Variants in NNMT observed in about 807,000 individuals in gnomAD.
NNMT encodes nicotinamide N-methyltransferase.
In NNMT, 10 loss-of-function variants were observed where a neutral mutation model predicts 11.7. The observed-to-expected ratio is 0.85, with a 90% CI of 0.53 to 1.45. The LOEUF is 1.45. Among genes scored for constraint, NNMT ranks in the 40% most tolerant of loss-of-function variants. The probability of loss-of-function intolerance (pLI) is 0.00; values close to 1 mark genes in which losing one functional copy is unlikely to be tolerated. For missense variants in NNMT, 381 were observed against 319.4 expected (o/e 1.19, Z -1.47); for synonymous variants, 143 against 133.8 (o/e 1.07, Z -0.48).
chr11:114,312,372 C>A lies in NNMT; in HGVS notation c.690C>A (p.Tyr230Ter). 6.2e-7 allele frequency: 1 copy of A among 1,614,262 alleles called. No individual in the cohort carries two copies. The highest frequency in any genetic ancestry group is 8.5e-7 in the Non-Finnish European group (1 of 1,180,046). ...AVEAAVKEAG[Y>*]TIEWFEVISQ... is the part of the protein sequence containing the mutation. ...AGGCTGCTGTGAAAGAGGCTGGCTA[C>A]ACAATCGAATGGTTTGAGGTGATCT... The change falls in exon 3 of 3, where the codon TAC becomes TAA. Residue 230 changes from tyrosine (Y) to a stop codon, truncating the protein, a stop_gained. Transcript: ENST00000299964. LOFTEE classifies it low-confidence loss of function (END_TRUNC).
upstream of NNMT, among the ~76,000 whole-genome samples, chr11:114,294,417 G>A (rs1374867296): frequency 6.8e-6 from 1 of 147,586 alleles, no homozygotes; most frequent in Non-Finnish European, 1.5e-5. Context: ...GGTGAAGGTT[G>A]CAGTGAGCTG....
At chr11:114,270,918 G>A (rs1945164402) in intron 2 of NNMT, among the ~76,000 whole-genome samples, 1 of 151,976 alleles carries the variant, frequency 6.6e-6, no homozygotes, top group Non-Finnish European at 1.5e-5. Flanking sequence ...GGGATCAAAA[G>A]CATGCACCAC....
chr11:114,260,516 C>A (rs1358150625), intron 1 of NNMT, among the ~76,000 whole-genome samples: 4 of 152,232 alleles, frequency 2.6e-5, no homozygotes, highest in African/African-American at 7.2e-5. Flanking sequence ...CCCTCCAGCA[C>A]TCACACATCC....
intron 2 of NNMT, among the ~76,000 whole-genome samples, chr11:114,285,004 C>T (rs1945288084): frequency 6.6e-6 from 1 of 151,788 alleles, no homozygotes; most frequent in Admixed American, 6.6e-5. Context: ...CTGATCCGCC[C>T]ACCTCAACCT....
chr11:114,282,912 T>TG (rs1463635746), intron 2 of NNMT, among the ~76,000 whole-genome samples: 3 of 152,248 alleles, frequency 2.0e-5, no homozygotes, highest in African/African-American at 7.2e-5. Context: ...TCACTGATAC[T>TG]GATATGCATG....
At chr11:114,263,532 C>T (rs1012195887) in intron 2 of NNMT, among the ~76,000 whole-genome samples, 6 of 152,142 alleles carry the variant, frequency 3.9e-5, no homozygotes, top group African/African-American at 1.4e-4. Flanking sequence ...AAACTCTTTC[C>T]CACCTGAAGA....
intron 2 of NNMT, among the ~76,000 whole-genome samples, chr11:114,309,504 T>A (rs1945528310): frequency 6.6e-6 from 1 of 152,140 alleles, no homozygotes; most frequent in Non-Finnish European, 1.5e-5. Flanking sequence ...CAACCAAGGA[T>A]AATTTTTGTT....
At chr11:114,285,699 C>G (rs933750149) in intron 2 of NNMT, among the ~76,000 whole-genome samples, 7 of 152,212 alleles carry the variant, frequency 4.6e-5, no homozygotes, top group Non-Finnish European at 8.8e-5. Flanking sequence ...TGGCGACTCA[C>G]GCCTGCCACA....
chr11:114,284,503 G>GC (rs1309772651), intron 2 of NNMT, among the ~76,000 whole-genome samples: 4 of 152,082 alleles, frequency 2.6e-5, no homozygotes, highest in African/African-American at 9.7e-5. Context: ...ATGGAGTCTT[G>GC]TCCAGGCTGG....
chr11:114,312,372 C>T lies in NNMT; in HGVS notation c.690C>T (p.Tyr230=), dbSNP rs761551438. 2 of 1,614,262 alleles carry T rather than the reference C, an allele frequency of 1.2e-6. No individual in the cohort carries two copies. Among genetic ancestry groups the T allele is most frequent in the South Asian group, 1.1e-5 (1 of 91,090 alleles). The change falls in exon 3 of 3, where the codon TAC becomes TAT. Residue 230 remains tyrosine (Y), a synonymous_variant. Transcript: ENST00000299964. Reference sequence around the variant, plus strand: ...AGGCTGCTGTGAAAGAGGCTGGCTACACAATCGAATGGTTTGAGGTGATCT... The same window carrying T: ...AGGCTGCTGTGAAAGAGGCTGGCTATACAATCGAATGGTTTGAGGTGATCT... ...AVEAAVKEAG[Y]TIEWFEVISQ...
At chr11:114,305,230 G>T (rs556417694) in intron 2 of NNMT, among the ~76,000 whole-genome samples, 2 of 152,378 alleles carry the variant, frequency 1.3e-5, no homozygotes, top group Admixed American at 6.5e-5. Context: ...ACACACACAG[G>T]TGGGTGGGAA....
intron 2 of NNMT, among the ~76,000 whole-genome samples, chr11:114,287,706 G>C (rs1049217361): frequency 6.6e-6 from 1 of 152,008 alleles, no homozygotes; most frequent in African/African-American, 2.4e-5. Flanking sequence ...TCTTCTTTAA[G>C]AGTAACTACT....
At chr11:114,309,053 G>A (rs1945521159) in intron 2 of NNMT, among the ~76,000 whole-genome samples, 1 of 152,060 alleles carries the variant, frequency 6.6e-6, no homozygotes, top group South Asian at 2.1e-4. Context: ...TGCTTCTGTT[G>A]GAATCAAACA....
chr11:114,280,876 C>G (rs773654066), intron 2 of NNMT, among the ~76,000 whole-genome samples: 2 of 152,270 alleles, frequency 1.3e-5, no homozygotes, highest in Admixed American at 6.5e-5. Flanking sequence ...GCTCATTTGC[C>G]GGCAGCCTGC....
chr11:114,312,140 C>T lies in NNMT; in HGVS notation c.458C>T (p.Pro153Leu), dbSNP rs774703402. 1 of 1,614,032 alleles carries T rather than the reference C, an allele frequency of 6.2e-7. No individual in the cohort carries two copies. The highest frequency in any genetic ancestry group is 8.5e-7 in the Non-Finnish European group (1 of 1,179,946). Reference sequence around the variant, plus strand: ...CAGAGCCAGCCACTGGGGGCCGTCCCCTTACCCCCGGCTGACTGCGTGCTC... The same window carrying T: ...CAGAGCCAGCCACTGGGGGCCGTCCTCTTACCCCCGGCTGACTGCGTGCTC... ...VTQSQPLGAV[P>L]LPPADCVLST... is the part of the protein sequence containing the mutation. The change falls in exon 3 of 3, where the codon CCC becomes CTC. Residue 153 changes from proline to leucine, a missense_variant. Coordinates refer to ENST00000299964, the MANE Select transcript of NNMT (RefSeq NM_006169.3).
At chr11:114,263,506 A>C (rs1444036766) in intron 2 of NNMT, among the ~76,000 whole-genome samples, 1 of 152,140 alleles carries the variant, frequency 6.6e-6, no homozygotes, top group African/African-American at 2.4e-5. Context: ...TTACAACCTG[A>C]AGGGTGCCCA....
At chr11:114,295,799 T>G (rs1269477076), upstream of NNMT, 1 of 151,648 alleles carries the variant, frequency 6.6e-6, no homozygotes, top group African/African-American at 2.4e-5. Flanking sequence ...CTGAAAGGAG[T>G]GGGGAAGCTT....
At chr11:114,273,386 A>T (rs976216990) in intron 2 of NNMT, among the ~76,000 whole-genome samples, 15 of 152,188 alleles carry the variant, frequency 9.9e-5, no homozygotes, top group Admixed American at 2.0e-4. Flanking sequence ...CCCTTGCCAG[A>T]GTCCAAATGA....
chr11:114,279,152 T>A (rs1001792203), intron 2 of NNMT, among the ~76,000 whole-genome samples: 2 of 152,114 alleles, frequency 1.3e-5, no homozygotes, highest in Admixed American at 1.3e-4. Context: ...CCAGTGTGAG[T>A]AGGTATTGCT....
Sources: gnomAD v4.1 joint callset for allele counts (sites outside exome capture counted in the v4.1 genomes callset) on GRCh38, gnomAD v4.1.1 for gene constraint, MANE v1.5 for transcripts, NCBI Gene and HGNC (gene_info 2026-07-23, HGNC 2026-07-21) for gene names.